The following OOSP1 variants were observed in gnomAD, a reference collection of about 807,000 sequenced individuals.
The protein encoded by OOSP1 is oocyte secreted protein 1.
Under a neutral mutation model 5.7 loss-of-function variants are expected in OOSP1, and 11 were observed. The ratio of observed to expected loss-of-function variants is 1.94; its 90% confidence interval spans 1.22 to 3.20. The LOEUF (loss-of-function observed/expected upper bound fraction) is 3.20. OOSP1 is among the 30% of genes most tolerant of loss of function. OOSP1 has a pLI of 0.00. For synonymous variants in OOSP1, 44 were observed against 20.0 expected (o/e 2.20, Z -3.20); for missense variants, 83 against 54.1 (o/e 1.53, Z -1.67).
At chr11:59,951,690 G>A (rs746669406) in intron 4 of OOSP1, among the ~76,000 whole-genome samples, 8 of 149,150 alleles carry the variant, frequency 5.4e-5, no homozygotes, top group Admixed American at 1.3e-4. Flanking sequence ...CTCAATGTGC[G>A]TGTCGAAGAA....
rs1161541376 is a variant in OOSP1, at chr11:59,957,090, C to T, written c.487-105C>T. On this transcript the variant is annotated intron_variant, in intron 4 of 4. Coordinates refer to ENST00000646685, the Ensembl canonical transcript of OOSP1. ...AATATGCCTTTCTGTTCACTTTTACCTAAATTTGTTCCTTTTAAAAACTTT... is the reference window on the plus strand; with the variant it reads ...AATATGCCTTTCTGTTCACTTTTACTTAAATTTGTTCCTTTTAAAAACTTT... 4 of 391,302 alleles carry T rather than the reference C, an allele frequency of 1.0e-5. No homozygotes were observed. The East Asian group carries it at 1.1e-4, about 11-fold the overall frequency. 24.2% of individuals were successfully genotyped at this position (391,302 alleles called of 1,614,324 possible).
intron 2 of OOSP1, 32 bp downstream of exon 2, chr11:59,943,060 G>A: frequency 1.4e-6 from 1 of 699,440 alleles, no homozygotes; most frequent in Non-Finnish European, 2.6e-6. Context: ...TAAAACCCAA[G>A]TGTCCAGGTG....
intron 2 of OOSP1, among the ~76,000 whole-genome samples, chr11:59,943,246 A>G (rs1007444521): frequency 6.6e-5 from 10 of 151,568 alleles, no homozygotes; most frequent in Non-Finnish European, 1.3e-4. Flanking sequence ...ATTAGGAGAT[A>G]TAACTAATGT....
intron 4 of OOSP1, among the ~76,000 whole-genome samples, chr11:59,952,311 A>C (rs1853948167): frequency 6.6e-6 from 1 of 152,154 alleles, no homozygotes; most frequent in Non-Finnish European, 1.5e-5. Context: ...AAGGAAAATA[A>C]GTCATTATAT....
At chr11:59,944,121 T>G (rs567297797) in intron 2 of OOSP1, among the ~76,000 whole-genome samples, 1 of 152,312 alleles carries the variant, frequency 6.6e-6, no homozygotes, top group African/African-American at 2.4e-5. Context: ...TTCACATTCC[T>G]GCTGGGTAGG....
At chr11:59,943,425 TTAAG>T (rs1158516895) in intron 2 of OOSP1, among the ~76,000 whole-genome samples, 6 of 152,150 alleles carry the variant, frequency 3.9e-5, no homozygotes, top group African/African-American at 1.4e-4. Context: ...CTAGAAGTCA[TTAAG>T]TGTCTATTTG....
At chr11:59,948,393 A>G (rs1049722020) in intron 4 of OOSP1, among the ~76,000 whole-genome samples, 2 of 152,218 alleles carry the variant, frequency 1.3e-5, no homozygotes, top group African/African-American at 4.8e-5. Flanking sequence ...TATTAATAAA[A>G]GGATGGAGCT....
chr11:59,946,466 G>A (rs956320015), intron 3 of OOSP1, among the ~76,000 whole-genome samples: 1 of 152,168 alleles, frequency 6.6e-6, no homozygotes, highest in African/African-American at 2.4e-5. Context: ...CATGAGATTC[G>A]AGTGGGGACA....
chr11:59,946,915 ATATCTATCTATCTATCTATCTATCTATC>A (rs10555344), intron 3 of OOSP1, among the ~76,000 whole-genome samples: 12 of 145,132 alleles, frequency 8.3e-5, no homozygotes, highest in Admixed American at 2.8e-4. Context: ...CTCATCTACC[ATATCTATCTATCTATCTATCTATCTATC>A]TATCTATCTA....
rs578185186 is a variant in OOSP1, at chr11:59,945,470, G to T, written c.356+204G>T. On this transcript the variant is annotated intron_variant, in intron 3 of 4. Coordinates refer to ENST00000646685, the Ensembl canonical transcript of OOSP1. ...ATAAAGAGAAATGCTGGCTGGGCAC[G>T]GTGGCTCACACCTGTAATCCCAGCA... is the stretch of plus-strand genomic sequence containing the variant. The T allele has an allele frequency of 1.4e-3, 857 of 610,454 alleles. 13 individuals are homozygous for T. Among genetic ancestry groups the T allele is most frequent in the South Asian group, 0.013 (812 of 61,244 alleles). 37.8% of individuals were successfully genotyped at this position (610,454 alleles called of 1,614,324 possible). A position where few individuals can be genotyped will look rare whatever the true frequency, so the allele number is the denominator to read the frequency against.
chr11:59,953,863 G>A (rs1161706567), intron 4 of OOSP1, among the ~76,000 whole-genome samples: 2 of 152,150 alleles, frequency 1.3e-5, no homozygotes, highest in Non-Finnish European at 2.9e-5. Context: ...GATAGGGATT[G>A]GCAAACTTGT....
At chr11:59,948,663 C>T in intron 4 of OOSP1, 1 of 397,328 alleles carries the variant, frequency 2.5e-6, no homozygotes. Context: ...GTAATGTTTA[C>T]ATTGGGACGT....
At chr11:59,944,857 A>C (rs935068479) in intron 2 of OOSP1, among the ~76,000 whole-genome samples, 6 of 152,228 alleles carry the variant, frequency 3.9e-5, no homozygotes, top group African/African-American at 7.2e-5. Context: ...TGAATAAGCA[A>C]TGTATCACTA....
At chr11:59,943,852 G>A (rs546063931) in intron 2 of OOSP1, among the ~76,000 whole-genome samples, 1 of 152,140 alleles carries the variant, frequency 6.6e-6, no homozygotes, top group Non-Finnish European at 1.5e-5. Flanking sequence ...AGTTTTTAAA[G>A]TTAGTAAAAT....
exon 5 of OOSP1, chr11:59,957,288 G>T: frequency 5.0e-6 from 2 of 397,748 alleles, no homozygotes; most frequent in South Asian, 2.6e-4. Flanking sequence ...ATGTGCTGTT[G>T]AGCGAGATGA....
intron 4 of OOSP1, among the ~76,000 whole-genome samples, chr11:59,950,575 G>A (rs1039878384): frequency 6.6e-5 from 10 of 152,294 alleles, no homozygotes; most frequent in South Asian, 2.1e-4. Flanking sequence ...CCTGGGAGCC[G>A]TGCAGGTGGA....
intron 2 of OOSP1, among the ~76,000 whole-genome samples, chr11:59,944,634 A>AC (rs1565231681): frequency 1.3e-5 from 2 of 151,800 alleles, no homozygotes; most frequent in South Asian, 2.1e-4. Context: ...ATTCCACCCC[A>AC]CCCCCCTGAA....
chr11:59,951,789 T>G (rs1187749252), intron 4 of OOSP1, among the ~76,000 whole-genome samples: 1 of 147,252 alleles, frequency 6.8e-6, no homozygotes, highest in African/African-American at 2.5e-5. Context: ...TTTTTTTTTT[T>G]TTTTTTTTTT....
intron 1 of OOSP1, among the ~76,000 whole-genome samples, chr11:59,941,076 G>A (rs779222838): frequency 6.6e-6 from 1 of 152,112 alleles, no homozygotes; most frequent in African/African-American, 2.4e-5. Context: ...TTCTGTCTCC[G>A]TTTTCCTTAA....
Sources: gnomAD v4.1 joint callset for allele counts (sites outside exome capture counted in the v4.1 genomes callset) on GRCh38, gnomAD v4.1.1 for gene constraint, MANE v1.5 for transcripts, NCBI Gene and HGNC (gene_info 2026-07-23, HGNC 2026-07-21) for gene names.